SYNPO: variants seen among roughly 807,000 people sequenced by gnomAD.
SYNPO encodes synaptopodin.
Under a neutral mutation model 49.5 loss-of-function variants are expected in SYNPO, and 19 were observed. The ratio of observed to expected loss-of-function variants is 0.38; its 90% CI spans 0.27 to 0.56. The LOEUF (loss-of-function observed/expected upper bound fraction) is 0.56, where lower values mean the gene tolerates loss of function less well. Ranked by LOEUF, SYNPO falls within the 20% of genes least tolerant of loss-of-function variation. The pLI, the probability that SYNPO is intolerant of heterozygous loss-of-function variation, is 0.68. For missense variants in SYNPO, 1,131 were observed against 1,248.3 expected, an observed-to-expected ratio of 0.91 and a Z score of 1.42; for synonymous variants, 536 against 548.0, an observed-to-expected ratio of 0.98 and a Z score of 0.31.
At chr5:150,625,340 A>G (rs75473089) in intron 2 of SYNPO, among the ~76,000 whole-genome samples, 3,858 of 152,266 alleles carry the variant, frequency 0.025, 155 homozygotes, top group African/African-American at 0.087. Flanking sequence ...CTCTGCCCAG[A>G]ATTGACCAAC....
At chr5:150,625,833 T>G (rs1003055169) in intron 2 of SYNPO, among the ~76,000 whole-genome samples, 4 of 152,058 alleles carry the variant, frequency 2.6e-5, no homozygotes, top group African/African-American at 9.7e-5. Flanking sequence ...AAGAGCTGAG[T>G]GGGAAGCAGC....
intron 1 of SYNPO, among the ~76,000 whole-genome samples, chr5:150,641,289 C>T (rs1352728163): frequency 6.6e-6 from 1 of 152,238 alleles, no homozygotes; most frequent in Non-Finnish European, 1.5e-5. Flanking sequence ...AGAGGTTGTG[C>T]AGTGGCCAGT....
At chr5:150,597,106 G>C (rs369263759), upstream of SYNPO, among the ~76,000 whole-genome samples, 87 of 152,312 alleles carry the variant, frequency 5.7e-4, 1 homozygote, top group South Asian at 0.016. Flanking sequence ...GTTGGCTAGT[G>C]GGGGACAGTG....
rs3062133 is a variant in SYNPO at position 150,602,997 on chromosome 5, G to GGTGTGTGTGTGT, written c.-266+1843_-266+1854dup. On this transcript the variant is annotated intron_variant, in intron 1 of 2. Transcript: ENST00000394243. Reference sequence around the variant, plus strand: ...GTGGAAAGCCCAGTTGCCACCTTAGGGTGTGTGTGTGTGTGTGTGTGTGTG... The same window carrying GGTGTGTGTGTGT: ...GTGGAAAGCCCAGTTGCCACCTTAGGGTGTGTGTGTGTGTGTGTGTGTGTGTGTGTGTGTGTG... Among the ~76,000 whole-genome samples, 951 of 131,204 alleles carry GGTGTGTGTGTGT rather than the reference G, an allele frequency of 7.2e-3. 13 individuals carry two copies. The highest frequency in any genetic ancestry group is 0.021 in the African/African-American group (697 of 33,772). The allele number at this position is 131,204 out of a possible 152,430, so 86.1% of individuals were successfully genotyped here.
At chr5:150,592,358 G>A in the SYNPO span, among the ~76,000 whole-genome samples, 1 of 152,124 alleles carries the variant, frequency 6.6e-6, no homozygotes, top group Non-Finnish European at 1.5e-5. Flanking sequence ...ATTTGTACTT[G>A]CTGAATCTGG....
Position 150,649,632 on chromosome 5 carries a change from G to A in SYNPO, c.1357G>A (p.Ala453Thr), listed in dbSNP as rs1247506731. ...GGCGGAGGAGGTGGTACCAGAGTGG[G>A]CCTCCTGCCTCAAGTCACCCCGCAT... is the stretch of plus-strand genomic sequence containing the variant. ...AAAEEVVPEW[A>T]SCLKSPRIQA... The change falls in exon 2 of 3, where the codon GCC becomes ACC. Residue 453 changes from alanine (A) to threonine (T), a missense_variant. This residue lies in a region of SYNPO where 602 missense variants were observed against 720.7 expected (regional missense o/e 0.84). Coordinates refer to ENST00000307662, the MANE Select transcript of SYNPO (RefSeq NM_007286.6). The A allele has an allele frequency of 1.9e-6, 3 of 1,608,562 alleles. No individual in the cohort carries two copies. In the Admixed American group the frequency reaches 5.0e-5, roughly 27 times the overall value.
At chr5:150,646,191 T>G (rs1360135108) in intron 1 of SYNPO, among the ~76,000 whole-genome samples, 1 of 138,794 alleles carries the variant, frequency 7.2e-6, no homozygotes, top group Non-Finnish European at 1.6e-5. Context: ...AAAAAAAAAA[T>G]TGGCTAAGTG....
chr5:150,627,714 T>A (rs1427235867), intron 2 of SYNPO, among the ~76,000 whole-genome samples: 2 of 152,100 alleles, frequency 1.3e-5, no homozygotes, highest in East Asian at 3.9e-4. Flanking sequence ...GAGACCTGAA[T>A]CTTATTTGAA....
chr5:150,590,863 G>A, the SYNPO span, among the ~76,000 whole-genome samples: 1 of 152,180 alleles, frequency 6.6e-6, no homozygotes, highest in African/African-American at 2.4e-5. Context: ...AGGAGAAGAG[G>A]CTGGTGCAGC....
intron 1 of SYNPO, among the ~76,000 whole-genome samples, chr5:150,616,891 T>A (rs947241259): frequency 3.3e-5 from 5 of 152,146 alleles, no homozygotes; most frequent in Non-Finnish European, 7.3e-5. Flanking sequence ...TTATCATCAT[T>A]CTTAACATTT....
chr5:150,590,271 G>A, the SYNPO span, among the ~76,000 whole-genome samples: 1 of 152,186 alleles, frequency 6.6e-6, no homozygotes, highest in African/African-American at 2.4e-5. Context: ...TCTCCCCTAC[G>A]TGCTCCCCTG....
chr5:150,646,713 AG>A (rs1758105902), intron 1 of SYNPO, among the ~76,000 whole-genome samples: 1 of 151,872 alleles, frequency 6.6e-6, no homozygotes, highest in South Asian at 2.1e-4. Context: ...TGACAGAGTA[AG>A]GTACTGTCTC....
chr5:150,648,231 C>T lies in SYNPO; in HGVS notation c.-45C>T, dbSNP rs779437380. 1.9e-6 allele frequency: 3 copies of T among 1,612,042 alleles called. No individual in the cohort carries two copies. The highest frequency in any genetic ancestry group is 2.5e-6 in the Non-Finnish European group (3 of 1,179,070). On this transcript the variant is annotated 5_prime_UTR_variant, in exon 2 of 3. Coordinates refer to ENST00000307662, the MANE Select transcript of SYNPO (RefSeq NM_007286.6). The surrounding 1 kb of genome is among the most constrained non-coding windows in gnomAD (Gnocchi z 5.0). ...GCTGCCGGAGCCAGGCCCTCCACGG[C>T]ACCCCAGTCCCCAGAGCCCCGACAG...
chr5:150,614,469 G>A (rs1166114519), intron 1 of SYNPO: 1 of 152,356 alleles, frequency 6.6e-6, no homozygotes, highest in African/African-American at 2.4e-5. Flanking sequence ...GGAGGGAGAA[G>A]GGGAGGCTGA....
chr5:150,638,285 G>A (rs908536640), upstream of SYNPO, among the ~76,000 whole-genome samples: 1 of 152,110 alleles, frequency 6.6e-6, no homozygotes, highest in Non-Finnish European at 1.5e-5. Flanking sequence ...CTCACTTCAT[G>A]AAACATTCTT....
the SYNPO span, among the ~76,000 whole-genome samples, chr5:150,595,794 C>A: frequency 2.7e-5 from 4 of 148,968 alleles, no homozygotes; most frequent in African/African-American, 9.9e-5. Flanking sequence ...AATCTCCCCC[C>A]ACCCCAGCCC....
At chr5:150,603,043 G>GTGTGTGTGTGTGTGTGT (rs1561629816) in intron 1 of SYNPO, among the ~76,000 whole-genome samples, 1 of 95,792 alleles carries the variant, frequency 1.0e-5, no homozygotes, top group African/African-American at 4.3e-5. Flanking sequence ...TGTGTGTGTG[G>GTGTGTGTGTGTGTGTGT]TGTATGCTGT....
At chr5:150,590,158 C>T in the SYNPO span, among the ~76,000 whole-genome samples, 4 of 152,230 alleles carry the variant, frequency 2.6e-5, no homozygotes, top group African/African-American at 4.8e-5. Flanking sequence ...GCGCCAGCCG[C>T]ACAGGCTCTT....
chr5:150,602,875 G>T (rs1756581992), intron 1 of SYNPO, among the ~76,000 whole-genome samples: 1 of 152,076 alleles, frequency 6.6e-6, no homozygotes, highest in Admixed American at 6.6e-5. Flanking sequence ...AAGAGCGTTG[G>T]TTTTGACTGT....
Sources: allele counts gnomAD v4.1 joint callset (sites outside exome capture counted in the v4.1 genomes callset), GRCh38; gene constraint gnomAD v4.1.1; regional missense constraint gnomAD v4.1.1; non-coding constraint Gnocchi (gnomAD v3.1); transcripts MANE v1.5; gene names NCBI Gene and HGNC (gene_info 2026-07-23, HGNC 2026-07-21).